PLCG2: variants seen among roughly 807,000 people sequenced by gnomAD.
PLCG2 encodes the protein 1-phosphatidylinositol 4,5-bisphosphate phosphodiesterase gamma-2.
In PLCG2, 69 loss-of-function variants were observed where a neutral mutation model predicts 175.6. The ratio of observed to expected loss-of-function variants is 0.39; its 90% confidence interval spans 0.32 to 0.48. The LOEUF is 0.48. Among genes scored for constraint, PLCG2 ranks in the 20% least tolerant of loss-of-function variants. The pLI is 0.91. For synonymous variants in PLCG2, 827 were observed against 624.0 expected, an observed-to-expected ratio of 1.33 and a Z score of -4.85; for missense variants, 1,798 against 1,650.9, an observed-to-expected ratio of 1.09 and a Z score of -1.54.
chr16:81,934,012 TAG>T (rs1228292797), intron 25 of PLCG2, among the ~76,000 whole-genome samples: 1 of 152,076 alleles, frequency 6.6e-6, no homozygotes, highest in Non-Finnish European at 1.5e-5. Context: ...GTGCAGGGGA[TAG>T]AGAGTTATGA....
At chr16:81,933,347 A>G (rs1910582231) in intron 25 of PLCG2, among the ~76,000 whole-genome samples, 1 of 152,120 alleles carries the variant, frequency 6.6e-6, no homozygotes, top group Non-Finnish European at 1.5e-5. Flanking sequence ...CACTCTTGGG[A>G]AACCAGCGGC....
intron 22 of PLCG2, among the ~76,000 whole-genome samples, chr16:81,924,994 A>G (rs1910204984): frequency 6.6e-6 from 1 of 152,200 alleles, no homozygotes; most frequent in African/African-American, 2.4e-5. Context: ...GCCTTGGTCA[A>G]CATCCTGGTG....
chr16:81,790,341 C>T (rs1291650058), intron 2 of PLCG2, among the ~76,000 whole-genome samples: 2 of 152,172 alleles, frequency 1.3e-5, no homozygotes, highest in Non-Finnish European at 2.9e-5. Context: ...CATCTTTGAG[C>T]ATGCAGTGGA....
intron 5 of PLCG2, among the ~76,000 whole-genome samples, chr16:81,868,933 G>C (rs1907377031): frequency 2.6e-5 from 4 of 152,062 alleles, no homozygotes; most frequent in Admixed American, 2.6e-4. Context: ...TATGTCCCTG[G>C]ACATACCTGA....
intron 22 of PLCG2, among the ~76,000 whole-genome samples, chr16:81,926,252 T>C (rs1398011451): frequency 2.0e-5 from 3 of 152,138 alleles, no homozygotes; most frequent in Non-Finnish European, 2.9e-5. Flanking sequence ...GTGGCTGCCA[T>C]GTTGAAGAGT....
upstream of PLCG2, among the ~76,000 whole-genome samples, chr16:81,778,510 G>A (rs1910560549): frequency 6.6e-6 from 1 of 152,210 alleles, no homozygotes; most frequent in South Asian, 2.1e-4. Flanking sequence ...GAATCAGATA[G>A]CTTCATGCAA....
intron 7 of PLCG2, among the ~76,000 whole-genome samples, chr16:81,874,830 G>A (rs28366533): frequency 0.026 from 3,998 of 152,078 alleles, 160 homozygotes; most frequent in African/African-American, 0.089. Flanking sequence ...GTAATCTCAC[G>A]TTTGTGTCTC....
chr16:81,742,154 C>G (rs200376304), intron 1 of PLCG2, among the ~76,000 whole-genome samples: 441 of 111,416 alleles, frequency 4.0e-3, no homozygotes, highest in African/African-American at 5.4e-3. Context: ...ATTGTGGGGG[C>G]GGGGGGGGGG....
chr16:81,855,133 C>T (rs975545334), intron 3 of PLCG2, among the ~76,000 whole-genome samples: 4 of 149,266 alleles, frequency 2.7e-5, no homozygotes, highest in African/African-American at 4.9e-5. Flanking sequence ...TTGCTTGAAC[C>T]AGTGAGCCAA....
In PLCG2 at chr16:81,889,237, G is replaced by A. The variant is rs1381969513; in HGVS notation, c.831G>A (p.Met277Ile). 1 of 1,605,970 alleles carries A rather than the reference G, an allele frequency of 6.2e-7. No homozygotes were observed. The highest frequency in any genetic ancestry group is 8.5e-7 in the Non-Finnish European group (1 of 1,176,094). ...ERMTKFIDDT[M>I]RETAEPFLFV... ...TGACAAAGTTCATTGATGACACCAT[G>A]CGTGAAACTGCTGAGCCTTTCTTGT... is the stretch of plus-strand genomic sequence containing the variant. The change falls in exon 10 of 33, where the codon ATG (methionine) becomes ATA (isoleucine). Residue 277 changes from methionine (M) to isoleucine (I), a missense_variant. Coordinates refer to ENST00000564138, the MANE Select transcript of PLCG2 (RefSeq NM_002661.5).
At chr16:81,890,252 C>G (rs1221615855) in intron 10 of PLCG2, among the ~76,000 whole-genome samples, 3 of 152,214 alleles carry the variant, frequency 2.0e-5, no homozygotes, top group African/African-American at 4.8e-5. Context: ...ATCCAGGCTC[C>G]TCTCATCCTC....
At chr16:81,841,486 C>T (rs151098660) in intron 2 of PLCG2, among the ~76,000 whole-genome samples, 1 of 151,978 alleles carries the variant, frequency 6.6e-6, no homozygotes, top group African/African-American at 2.4e-5. Flanking sequence ...AGTGATCTGC[C>T]CACTTCGGCC....
intron 5 of PLCG2, among the ~76,000 whole-genome samples, chr16:81,864,431 G>C (rs1283334969): frequency 1.3e-5 from 2 of 152,226 alleles, no homozygotes; most frequent in African/African-American, 4.8e-5. Context: ...TACTACCTCA[G>C]ACAGCACAGA....
chr16:81,835,704 A>T (rs1905478163), intron 2 of PLCG2, among the ~76,000 whole-genome samples: 2 of 152,236 alleles, frequency 1.3e-5, no homozygotes, highest in Non-Finnish European at 2.9e-5. Flanking sequence ...TGAGGGACTT[A>T]AAACAGAAAT....
intron 2 of PLCG2, among the ~76,000 whole-genome samples, chr16:81,830,495 C>T (rs1382414027): frequency 6.6e-6 from 1 of 151,878 alleles, no homozygotes; most frequent in Non-Finnish European, 1.5e-5. Context: ...TTATTAGAGA[C>T]AGGATTTCAC....
chr16:81,807,211 C>A (rs747271255), intron 2 of PLCG2, among the ~76,000 whole-genome samples: 1 of 90,984 alleles, frequency 1.1e-5, no homozygotes, highest in African/African-American at 2.9e-5. Flanking sequence ...CATGTCTTGT[C>A]CCAGCGGTGT....
At chr16:81,868,924 A>G (rs944485790) in intron 5 of PLCG2, among the ~76,000 whole-genome samples, 1 of 152,056 alleles carries the variant, frequency 6.6e-6, no homozygotes, top group African/African-American at 2.4e-5. Flanking sequence ...TATGTGACCT[A>G]TGTCCCTGGA....
At chr16:81,874,011 C>T (rs973558403) in intron 7 of PLCG2, among the ~76,000 whole-genome samples, 1 of 152,128 alleles carries the variant, frequency 6.6e-6, no homozygotes, top group Non-Finnish European at 1.5e-5. Context: ...CCCTAGATTG[C>T]CCCGTGTGGA....
intron 2 of PLCG2, among the ~76,000 whole-genome samples, chr16:81,835,830 G>T (rs1163490499): frequency 1.3e-5 from 2 of 152,124 alleles, no homozygotes; most frequent in Non-Finnish European, 2.9e-5. Context: ...CTGGCCTCTG[G>T]TAGCTGCTGG....
Sources: allele counts gnomAD v4.1 joint callset (sites outside exome capture counted in the v4.1 genomes callset), GRCh38; gene constraint gnomAD v4.1.1; transcripts MANE v1.5; gene names NCBI Gene and HGNC (gene_info 2026-07-23, HGNC 2026-07-21).